GRIK4: variants seen among roughly 807,000 people sequenced by gnomAD.
GRIK4 encodes glutamate ionotropic receptor kainate type subunit 4, also known as glutamate receptor ionotropic, kainate 4.
Under a neutral mutation model 104.9 loss-of-function variants are expected in GRIK4, and 40 were observed. That is an observed-to-expected ratio of 0.38 (90% CI 0.30 to 0.50). The LOEUF (loss-of-function observed/expected upper bound fraction) is 0.50, where lower values mean the gene tolerates loss of function less well. GRIK4 is among the 20% of genes least tolerant of loss of function. GRIK4 has a pLI of 0.93. For missense variants in GRIK4, 1,047 were observed against 1,308.1 expected (o/e 0.80, Z 3.08); for synonymous variants, 485 against 524.9 (o/e 0.92, Z 1.04).
chr11:120,671,963 C>A (rs899266361), intron 3 of GRIK4, among the ~76,000 whole-genome samples: 1 of 152,112 alleles, frequency 6.6e-6, no homozygotes, highest in African/African-American at 2.4e-5. Context: ...CTGAGGTCTC[C>A]GTTCTGTTCT....
At chr11:120,883,284 A>G (rs1239922583) in intron 11 of GRIK4, among the ~76,000 whole-genome samples, 2 of 152,206 alleles carry the variant, frequency 1.3e-5, no homozygotes, top group African/African-American at 4.8e-5. Flanking sequence ...GGATTTTGTC[A>G]TGAGAGTTCT....
Position 120,985,936 on chromosome 11 carries a change from G to A in GRIK4, c.2547G>A (p.Leu849=), listed in dbSNP as rs1165751878. The change falls in exon 21 of 21, where the codon CTG becomes CTA. Residue 849 remains leucine (L), a synonymous_variant. Transcript: ENST00000527524. The part of the protein sequence containing the change: ...VSVCQEMVTE[L]RSIILCQDSI... ...TCTGCCAGGAGATGGTGACCGAGCT[G>A]CGCAGCATTATCCTGTGTCAGGACA... 14 of 1,550,704 alleles carry A rather than the reference G, an allele frequency of 9.0e-6. No individual in the cohort carries two copies. Among genetic ancestry groups the A allele is most frequent in the South Asian group, 1.2e-5 (1 of 84,142 alleles).
At chr11:120,880,618 T>C (rs1216743666) in intron 11 of GRIK4, among the ~76,000 whole-genome samples, 1 of 152,316 alleles carries the variant, frequency 6.6e-6, no homozygotes, top group Non-Finnish European at 1.5e-5. Flanking sequence ...TCCAACCCAG[T>C]GTAAGAACGT....
At chr11:120,541,665 A>G (rs1948037925) in intron 1 of GRIK4, among the ~76,000 whole-genome samples, 1 of 151,524 alleles carries the variant, frequency 6.6e-6, no homozygotes, top group African/African-American at 2.4e-5. Flanking sequence ...TAATTTTAGT[A>G]TTTTTTTTGT....
intron 8 of GRIK4, among the ~76,000 whole-genome samples, chr11:120,838,226 T>C (rs1265077413): frequency 6.6e-6 from 1 of 152,218 alleles, no homozygotes; most frequent in Admixed American, 6.5e-5. Flanking sequence ...TGACTCAGCC[T>C]TATGCTCACT....
At chr11:120,544,590 C>T (rs1409763610) in intron 1 of GRIK4, among the ~76,000 whole-genome samples, 1 of 152,130 alleles carries the variant, frequency 6.6e-6, no homozygotes, top group African/African-American at 2.4e-5. Context: ...CTCGGCCTCC[C>T]AAAGTGCTGG....
At chr11:120,658,298 T>C (rs1949746188) in intron 2 of GRIK4, among the ~76,000 whole-genome samples, 1 of 152,180 alleles carries the variant, frequency 6.6e-6, no homozygotes, top group South Asian at 2.1e-4. Context: ...GACATTTGGG[T>C]GGTTTCCAGT....
At chr11:120,538,643 G>A (rs971257472) in intron 1 of GRIK4, among the ~76,000 whole-genome samples, 1 of 152,200 alleles carries the variant, frequency 6.6e-6, no homozygotes, top group East Asian at 1.9e-4. Flanking sequence ...GTGCAGAGAC[G>A]GGCCATGTTC....
chr11:120,559,096 C>T lies in GRIK4; in HGVS notation c.-159+47209C>T, dbSNP rs1382603096. Among the ~76,000 whole-genome samples, 8 of 152,158 alleles carry T rather than the reference C, an allele frequency of 5.3e-5. No individual in the cohort carries two copies. In the South Asian group the frequency reaches 1.5e-3, roughly 28 times the overall value. On this transcript the variant is annotated intron_variant, in intron 1 of 20. Coordinates refer to ENST00000527524, the MANE Select transcript of GRIK4 (RefSeq NM_014619.5). ...TCAGCTGGGGGTTGGCTGCTGACAA[C>T]TTAGATTAGGACCCTTTCTTGAGAA...
chr11:120,835,643 C>G (rs1953556518), intron 7 of GRIK4, among the ~76,000 whole-genome samples: 1 of 152,198 alleles, frequency 6.6e-6, no homozygotes, highest in Non-Finnish European at 1.5e-5. Flanking sequence ...TCTCCTCCAT[C>G]CACCTCAATA....
chr11:120,986,554 A>C lies in GRIK4; in HGVS notation c.*294A>C. On this transcript the variant is annotated 3_prime_UTR_variant, in exon 21 of 21. Transcript: ENST00000527524. The stretch of plus-strand genomic sequence containing the variant: ...GGTCTTTCCCTCTCGCCAAAATAAC[A>C]AGAGTATAGGGTGGGGGGTCCCTAC... 4 of 367,458 alleles carry C rather than the reference A, an allele frequency of 1.1e-5. No homozygotes were observed. The highest frequency in any genetic ancestry group is 9.7e-6 in the Non-Finnish European group (2 of 206,182). 22.8% of individuals were successfully genotyped at this position (367,458 alleles called of 1,614,324 possible). A position where few individuals can be genotyped will look rare whatever the true frequency, so the allele number is the denominator to read the frequency against.
intron 13 of GRIK4, among the ~76,000 whole-genome samples, chr11:120,915,059 T>A (rs1249997708): frequency 6.6e-6 from 1 of 152,146 alleles, no homozygotes; most frequent in Admixed American, 6.5e-5. Context: ...GTCCTGCTTC[T>A]CAGGGGAGAA....
chr11:120,566,778 A>G lies in GRIK4; in HGVS notation c.-159+54891A>G, dbSNP rs542471037. On this transcript the variant is annotated intron_variant, in intron 1 of 20. Coordinates refer to ENST00000527524, the MANE Select transcript of GRIK4 (RefSeq NM_014619.5). The stretch of plus-strand genomic sequence containing the variant: ...GAGTGCAGTGGTGCGATCTTGGCTC[A>G]CTGCAAGCTCCACCTCCCGGGTTCA... Among the ~76,000 whole-genome samples the G allele has an allele frequency of 3.6e-4, 53 of 145,404 alleles. No individual in the cohort carries two copies. In the Admixed American group the frequency reaches 3.7e-3, roughly 10 times the overall value.
At chr11:120,886,035 G>A (rs1955110431) in intron 11 of GRIK4, among the ~76,000 whole-genome samples, 1 of 152,230 alleles carries the variant, frequency 6.6e-6, no homozygotes, top group Admixed American at 6.5e-5. Context: ...CTTGGCACAA[G>A]CTACACATTC....
At chr11:120,882,921 C>T (rs1457644438) in intron 11 of GRIK4, among the ~76,000 whole-genome samples, 1 of 152,194 alleles carries the variant, frequency 6.6e-6, no homozygotes, top group Non-Finnish European at 1.5e-5. Context: ...CTTGCCAGTG[C>T]ACCCGTACCC....
intron 4 of GRIK4, among the ~76,000 whole-genome samples, chr11:120,813,759 C>T (rs6589844): frequency 0.013 from 2,034 of 152,270 alleles, 38 homozygotes; most frequent in African/African-American, 0.046. Context: ...AGTAAGAAAC[C>T]TTGTACTAGT....
intron 14 of GRIK4, among the ~76,000 whole-genome samples, chr11:120,950,306 G>A (rs745348639): frequency 8.5e-5 from 13 of 152,160 alleles, no homozygotes; most frequent in South Asian, 2.1e-4. Flanking sequence ...GTTTTTGTTC[G>A]TGTGATGTTC....
chr11:120,747,480 C>T (rs1330106304), intron 3 of GRIK4, among the ~76,000 whole-genome samples: 1 of 152,138 alleles, frequency 6.6e-6, no homozygotes, highest in Non-Finnish European at 1.5e-5. Context: ...TGGAAAAAGT[C>T]CAAAACCCCA....
At position 120,609,516 on chromosome 11, in the gene GRIK4, C is replaced by CT. The variant is rs58736481; in HGVS notation, c.-158-44141dup. On this transcript the variant is annotated intron_variant, in intron 1 of 20. Coordinates refer to ENST00000527524, the MANE Select transcript of GRIK4 (RefSeq NM_014619.5). ...CCCTTTTCCCCCATCTTTGCAGTTG[C>CT]TTTTTTTTTTTTTTTTTTTTTTTTT... is the stretch of plus-strand genomic sequence containing the variant. Among the ~76,000 whole-genome samples, 298 of 57,156 alleles carry CT rather than the reference C, an allele frequency of 5.2e-3. 60 individuals are homozygous for CT. The highest frequency in any genetic ancestry group is 7.7e-3 in the African/African-American group (103 of 13,414). The allele number at this position is 57,156 out of a possible 152,430, so 37.5% of individuals were successfully genotyped here. A position where few individuals can be genotyped will look rare whatever the true frequency, so the allele number is the denominator to read the frequency against.
Sources: gnomAD v4.1 joint callset for allele counts (sites outside exome capture counted in the v4.1 genomes callset) on GRCh38, gnomAD v4.1.1 for gene constraint, MANE v1.5 for transcripts, NCBI Gene and HGNC (gene_info 2026-07-23, HGNC 2026-07-21) for gene names.